PCGF3: variants seen among roughly 807,000 people sequenced by gnomAD.
PCGF3 encodes polycomb group ring finger 3.
Under a neutral mutation model 33.1 loss-of-function variants are expected in PCGF3, and 7 were observed. The ratio of observed to expected loss-of-function variants is 0.21; its 90% CI spans 0.12 to 0.40. The LOEUF (loss-of-function observed/expected upper bound fraction) is 0.40, where lower values mean the gene tolerates loss of function less well. Ranked by LOEUF, PCGF3 falls within the 10% of genes least tolerant of loss-of-function variation. The pLI is 1.00. For synonymous variants in PCGF3, 153 were observed against 121.3 expected (o/e 1.26, Z -1.72); for missense variants, 211 against 313.3 (o/e 0.67, Z 2.46).
chr4:756,912 A>G (rs754461505), intron 8 of PCGF3: 1 of 152,244 alleles, frequency 6.6e-6, no homozygotes, highest in Non-Finnish European at 1.5e-5. Flanking sequence ...AAATTATTGC[A>G]TTATATACAT....
chr4:766,107 G>C, exon 11 of PCGF3: 2 of 1,610,206 alleles, frequency 1.2e-6, no homozygotes, highest in Non-Finnish European at 1.7e-6. Context: ...CCACAGACTG[G>C]GCCCTCGCAC....
intron 9 of PCGF3, chr4:762,019 C>T: frequency 2.0e-6 from 2 of 985,286 alleles, no homozygotes; most frequent in Non-Finnish European, 2.4e-6. Flanking sequence ...AGGCCAGCGC[C>T]AGGAGTTGCA....
In PCGF3 at chr4:721,826, TGG is replaced by T. The variant is rs1743089914; in HGVS notation, c.-189-8802_-189-8801del. The stretch of plus-strand genomic sequence containing the variant: ...GAGGGGCCTGTGGGAGGTGGGTGGA[TGG>T]GTGTCTCTGCATGTGGGTGTGGAAA... On this transcript the variant is annotated intron_variant, in intron 1 of 10. Coordinates refer to ENST00000362003, the Ensembl canonical transcript of PCGF3. The surrounding 1 kb of genome is among the most constrained non-coding windows in gnomAD (Gnocchi z 4.1). Among the ~76,000 whole-genome samples, 12 of 133,278 alleles carry T rather than the reference TGG, an allele frequency of 9.0e-5. 2 individuals are homozygous for T. Among genetic ancestry groups the T allele is most frequent in the Admixed American group, 7.5e-5 (1 of 13,342 alleles). The allele number at this position is 133,278 out of a possible 152,430, so 87.4% of individuals were successfully genotyped here. A position where few individuals can be genotyped will look rare whatever the true frequency, so the allele number is the denominator to read the frequency against.
rs370858757 is a variant in PCGF3 at position 713,976 on chromosome 4, T to C, written c.-190+8006T>C. 1.1e-4 allele frequency among the ~76,000 whole-genome samples: 17 copies of C among 152,288 alleles called. No homozygotes were observed. In the South Asian group the frequency reaches 2.3e-3, roughly 20 times the overall value. The stretch of plus-strand genomic sequence containing the variant: ...CGCAATACAGAAAAATGGAGAAAAT[T>C]ATACAGTGAGCACTTGCTGTGGTCC... On this transcript the variant is annotated intron_variant, in intron 1 of 10. Transcript: ENST00000362003.
intron 8 of PCGF3, among the ~76,000 whole-genome samples, chr4:748,144 A>G (rs545493811): frequency 6.6e-6 from 1 of 152,172 alleles, no homozygotes; most frequent in African/African-American, 2.4e-5. Context: ...GAAAAACTAC[A>G]CGGTCACAGA....
In PCGF3 at chr4:720,695, G is replaced by A. The variant is rs1050186708; in HGVS notation, c.-189-9935G>A. 1.3e-5 allele frequency among the ~76,000 whole-genome samples: 2 copies of A among 151,080 alleles called. No individual in the cohort carries two copies. Among genetic ancestry groups the A allele is most frequent in the Non-Finnish European group, 1.5e-5 (1 of 67,710 alleles). On this transcript the variant is annotated intron_variant, in intron 1 of 10. Coordinates refer to ENST00000362003, the Ensembl canonical transcript of PCGF3. This position sits in a 1 kb window ranked among gnomAD's most constrained non-coding sequence, Gnocchi z 5.6. ...GGACCCGGGGTGGACGGGCGGTGAC[G>A]TGCGTGTGGACCCGGCGTGGACGGG...
rs562353223 is a variant in PCGF3, at chr4:718,248, G to C, written c.-190+12278G>C. Among the ~76,000 whole-genome samples, 5 of 152,156 alleles carry C rather than the reference G, an allele frequency of 3.3e-5. No individual in the cohort carries two copies. In the South Asian group the frequency reaches 1.0e-3, roughly 32 times the overall value. ...GTGCCTGGAGAGGAAACGTGGAGTC[G>C]GGGGGTCTGTGGGGTAGCCCCGGGG... On this transcript the variant is annotated intron_variant, in intron 1 of 10. Coordinates refer to ENST00000362003, the Ensembl canonical transcript of PCGF3.
chr4:733,490 G>C (rs1032810008), intron 3 of PCGF3, among the ~76,000 whole-genome samples, 182 bp from the exon 4 acceptor site: 12 of 152,220 alleles, frequency 7.9e-5, no homozygotes, highest in Non-Finnish European at 2.9e-5. Context: ...AGTGCACGCA[G>C]ACACTGGATT....
intron 6 of PCGF3, among the ~76,000 whole-genome samples, chr4:739,509 A>G (rs969769995): frequency 5.9e-5 from 9 of 152,128 alleles, no homozygotes; most frequent in African/African-American, 1.2e-4. Flanking sequence ...GTTTATTCCA[A>G]TCAGGATCCA....
intron 1 of PCGF3, among the ~76,000 whole-genome samples, chr4:714,927 C>T (rs1742742842): frequency 6.6e-6 from 1 of 152,172 alleles, no homozygotes; most frequent in African/African-American, 2.4e-5. Context: ...ACCCTGTAGA[C>T]ACTGAGGGTG....
chr4:722,577 C>A (rs1256247323), intron 1 of PCGF3: 2 of 288,390 alleles, frequency 6.9e-6, no homozygotes, highest in African/African-American at 4.8e-5. Context: ...CCGTCCGCGC[C>A]GGGTCCACAC....
At chr4:764,600 G>A (rs1560221561) in intron 9 of PCGF3, 2 of 181,458 alleles carry the variant, frequency 1.1e-5, no homozygotes, top group Non-Finnish European at 2.3e-5. Flanking sequence ...TAGACAGGGT[G>A]TGATGGGGCC....
intron 1 of PCGF3, among the ~76,000 whole-genome samples, chr4:711,242 T>C (rs1742548493): frequency 6.6e-6 from 1 of 152,240 alleles, no homozygotes; most frequent in Non-Finnish European, 1.5e-5. Context: ...AGCGGCTCTG[T>C]GGCAAAATCG....
chr4:749,553 C>T (rs1174401605), intron 8 of PCGF3, among the ~76,000 whole-genome samples: 1 of 128,812 alleles, frequency 7.8e-6, no homozygotes, highest in African/African-American at 3.0e-5. Flanking sequence ...GTGGCACAAT[C>T]TTGGCTCACT....
At chr4:719,532 G>A (rs1742991019) in intron 1 of PCGF3, among the ~76,000 whole-genome samples, 1 of 152,254 alleles carries the variant, frequency 6.6e-6, no homozygotes, top group Non-Finnish European at 1.5e-5. Flanking sequence ...CCTCCGCGCG[G>A]GTTGGCGAGG....
chr4:763,311 G>T (rs1279792305), intron 9 of PCGF3, among the ~76,000 whole-genome samples: 1 of 152,158 alleles, frequency 6.6e-6, no homozygotes, highest in Non-Finnish European at 1.5e-5. Flanking sequence ...CCGGACAGTG[G>T]GGCTGCAGGG....
intron 7 of PCGF3, 26 bp from the exon 8 acceptor site, chr4:744,574 G>A (rs1216644308): frequency 2.0e-6 from 3 of 1,509,494 alleles, no homozygotes; most frequent in Non-Finnish European, 2.7e-6. Context: ...ATTTCATGGT[G>A]CGCTATGTTC....
chr4:719,866 C>T lies in PCGF3; in HGVS notation c.-189-10764C>T, dbSNP rs116410072. ...TGGAAGGGACCCTAGCCCAGCTCCT[C>T]CCTTGGCAGTCGGAGCGTCGGGGCC... On this transcript the variant is annotated intron_variant, in intron 1 of 10. Transcript: ENST00000362003. Among the ~76,000 whole-genome samples, 1,028 of 152,264 alleles carry T rather than the reference C, an allele frequency of 6.8e-3. 13 individuals carry two copies. Among genetic ancestry groups the T allele is most frequent in the African/African-American group, 0.023 (963 of 41,550 alleles).
At chr4:731,553 T>TC (rs1474912707) in intron 3 of PCGF3, among the ~76,000 whole-genome samples, 1 of 118,148 alleles carries the variant, frequency 8.5e-6, no homozygotes, top group Non-Finnish European at 1.9e-5. Context: ...AGGGCGGGGC[T>TC]CCCCCTCCCG....
Sources: gnomAD v4.1 joint callset for allele counts (sites outside exome capture counted in the v4.1 genomes callset) on GRCh38, gnomAD v4.1.1 for gene constraint, Gnocchi (gnomAD v3.1) non-coding constraint, MANE v1.5 for transcripts, NCBI Gene and HGNC (gene_info 2026-07-23, HGNC 2026-07-21) for gene names.